Variants in GTF2A1 observed in about 807,000 individuals in gnomAD.
The protein encoded by GTF2A1 is general transcription factor IIA subunit 1, also known as transcription initiation factor IIA subunit 1.
In GTF2A1, 12 loss-of-function variants were observed where a neutral mutation model predicts 54.1. The ratio of observed to expected loss-of-function variants is 0.22; its 90% CI spans 0.14 to 0.36. GTF2A1 has a LOEUF of 0.36. GTF2A1 is among the 10% of genes least tolerant of loss of function. The pLI is 1.00. For synonymous variants in GTF2A1, 145 were observed against 152.0 expected (o/e 0.95, Z 0.34); for missense variants, 335 against 442.2 (o/e 0.76, Z 2.17).
intron 7 of GTF2A1, among the ~76,000 whole-genome samples, chr14:81,189,489 G>A (rs1395512443): frequency 1.3e-5 from 2 of 152,110 alleles, no homozygotes; most frequent in African/African-American, 4.8e-5. Flanking sequence ...GGCTAACACA[G>A]CGAAACCCCA....
At chr14:81,181,219 A>G (rs550777752) in intron 8 of GTF2A1, among the ~76,000 whole-genome samples, 1 of 152,140 alleles carries the variant, frequency 6.6e-6, no homozygotes, top group Non-Finnish European at 1.5e-5. Context: ...TGTAAAACTT[A>G]ATGAACTGAA....
At chr14:81,198,728 A>G (rs144876382) in intron 4 of GTF2A1, among the ~76,000 whole-genome samples, 72 of 152,312 alleles carry the variant, frequency 4.7e-4, no homozygotes, top group Non-Finnish European at 1.8e-4. Flanking sequence ...AATCTAACCT[A>G]TACAGTTTTA....
intron 2 of GTF2A1, among the ~76,000 whole-genome samples, chr14:81,208,037 C>T (rs2140035318): frequency 6.6e-6 from 1 of 152,312 alleles, no homozygotes; most frequent in South Asian, 2.1e-4. Flanking sequence ...GAAATTCAAG[C>T]TGGCTGGAGA....
In GTF2A1 at chr14:81,175,827, ATCTT is replaced by A. The variant is rs1184909584; in HGVS notation, c.*4392_*4395del. The A allele has an allele frequency of 1.3e-5, 2 of 152,204 alleles. No homozygotes were observed. Among genetic ancestry groups the A allele is most frequent in the African/African-American group, 2.4e-5 (1 of 41,446 alleles). 9.4% of individuals were successfully genotyped at this position (152,204 alleles called of 1,614,324 possible). On this transcript the variant is annotated 3_prime_UTR_variant, in exon 9 of 9. Transcript: ENST00000553612. Reference sequence around the variant, plus strand: ...AATTATTAATATTTCACAAGGAGTAATCTTTATTTTGAAAAACAATGTTAATTAT... The same window carrying A: ...AATTATTAATATTTCACAAGGAGTAATATTTTGAAAAACAATGTTAATTAT...
intron 8 of GTF2A1, among the ~76,000 whole-genome samples, chr14:81,183,575 T>A (rs1346037879): frequency 1.3e-5 from 2 of 152,168 alleles, no homozygotes; most frequent in Non-Finnish European, 2.9e-5. Context: ...TAAAAAGCAA[T>A]CTATTTACCG....
At position 81,211,875 on chromosome 14, in the gene GTF2A1, TTATATATATATA is replaced by T. The variant is rs757044041; in HGVS notation, c.132+4526_132+4537del. 4.9e-3 allele frequency among the ~76,000 whole-genome samples: 338 copies of T among 68,504 alleles called. 14 individuals are homozygous for T. The highest frequency in any genetic ancestry group is 0.017 in the African/African-American group (328 of 19,842). 44.9% of individuals were successfully genotyped at this position (68,504 alleles called of 152,430 possible). ...ACATAATTAGAGTGTATCAAGTACT[TTATATATATATA>T]TATATATATATATATATATATAACT... On this transcript the variant is annotated intron_variant, in intron 2 of 8. Transcript: ENST00000553612.
intron 8 of GTF2A1, among the ~76,000 whole-genome samples, chr14:81,184,521 A>C (rs1041140491): frequency 6.6e-6 from 1 of 152,170 alleles, no homozygotes; most frequent in Non-Finnish European, 1.5e-5. Flanking sequence ...CACTGGTAAA[A>C]CTAGCCTAAC....
intron 4 of GTF2A1, among the ~76,000 whole-genome samples, chr14:81,200,066 C>T (rs1376346975): frequency 1.3e-5 from 2 of 151,538 alleles, no homozygotes; most frequent in African/African-American, 2.4e-5. Flanking sequence ...TTCATGTAAA[C>T]GAAAAGATTC....
At chr14:81,197,298 TGG>T in intron 5 of GTF2A1, 109 bp downstream of exon 5, 1 of 628,982 alleles carries the variant, frequency 1.6e-6, no homozygotes, top group Non-Finnish European at 2.8e-6. Context: ...CTAAACCAAA[TGG>T]TAAAAGAAAT....
intron 5 of GTF2A1, chr14:81,197,099 TACTC>T: frequency 5.1e-6 from 1 of 194,690 alleles, no homozygotes; most frequent in Non-Finnish European, 1.0e-5. Flanking sequence ...AGAAGTTTAA[TACTC>T]ACTTGGCATG....
At chr14:81,219,975 G>A (rs10149681) in intron 1 of GTF2A1, among the ~76,000 whole-genome samples, 97,310 of 151,674 alleles carry the variant, frequency 0.64, 31,383 homozygotes, top group Middle Eastern at 0.7. Context: ...CCAAAGCACA[G>A]CCGCCAAAAA....
intron 1 of GTF2A1, 64 bp downstream of exon 1, chr14:81,220,424 CG>C: frequency 8.3e-7 from 1 of 1,206,088 alleles, no homozygotes; most frequent in Non-Finnish European, 1.2e-6. Context: ...TCCCCGCCCC[CG>C]CCCGGTCCGG....
At chr14:81,220,139 G>T (rs1316412162) in intron 1 of GTF2A1, among the ~76,000 whole-genome samples, 2 of 151,208 alleles carry the variant, frequency 1.3e-5, no homozygotes. Context: ...GGGCCCCTCG[G>T]GGGGAAGCGG....
rs1322497746 is a variant in GTF2A1 at position 81,179,937 on chromosome 14, C to T, written c.*286G>A. 4.8e-6 allele frequency: 1 copy of T among 206,476 alleles called. No homozygotes were observed. The highest frequency in any genetic ancestry group is 1.0e-4 in the East Asian group (1 of 9,618). 12.8% of individuals were successfully genotyped at this position (206,476 alleles called of 1,614,324 possible). ...AGGAATATAGACAAAGCTTTACATG[C>T]TAATTACCGGTGGCAGGTACCTGTA... On this transcript the variant is annotated 3_prime_UTR_variant, in exon 9 of 9. Coordinates refer to ENST00000553612, the MANE Select transcript of GTF2A1 (RefSeq NM_015859.4).
At chr14:81,207,384 G>A (rs745772350) in intron 2 of GTF2A1, among the ~76,000 whole-genome samples, 42 of 152,050 alleles carry the variant, frequency 2.8e-4, no homozygotes, top group African/African-American at 8.5e-4. Context: ...CTGCCAACAC[G>A]TAAGAAGAGC....
intron 2 of GTF2A1, among the ~76,000 whole-genome samples, chr14:81,208,462 A>AAC (rs1306626282): frequency 1.3e-5 from 2 of 152,212 alleles, no homozygotes; most frequent in Non-Finnish European, 2.9e-5. Context: ...CCTCATGGAG[A>AAC]ACCTCTGCTA....
Position 81,192,852 on chromosome 14 carries a change from A to C in GTF2A1, c.613-13T>G, listed in dbSNP as rs1566854182. On this transcript the variant is annotated splice_polypyrimidine_tract_variant and intron_variant, in intron 6 of 8. Transcript: ENST00000553612. ...GAGGAGCCAGCACCTAAAGCAAAAG[A>C]AAACCACATAACAGTAACTAGTTAA... 6.7e-7 allele frequency: 1 copy of C among 1,484,790 alleles called. No individual in the cohort carries two copies. Among genetic ancestry groups the C allele is most frequent in the African/African-American group, 1.4e-5 (1 of 72,318 alleles). The allele number at this position is 1,484,790 out of a possible 1,614,324, so 92.0% of individuals were successfully genotyped here.
In GTF2A1 at chr14:81,206,075, AATTT is replaced by A. The variant is rs1893223039; in HGVS notation, c.133-1975_133-1972del. 2.0e-5 allele frequency among the ~76,000 whole-genome samples: 3 copies of A among 152,176 alleles called. No individual in the cohort carries two copies. The South Asian group carries it at 6.2e-4, about 32-fold the overall frequency. On this transcript the variant is annotated intron_variant, in intron 2 of 8. Coordinates refer to ENST00000553612, the MANE Select transcript of GTF2A1 (RefSeq NM_015859.4). The stretch of plus-strand genomic sequence containing the variant: ...TTGTTTAAAAAGTTTTTGAAATCAT[AATTT>A]TCTAAATTTTATGCTTCACTTTTAC...
chr14:81,203,911 G>A lies in GTF2A1; in HGVS notation c.326C>T (p.Ala109Val). The A allele has an allele frequency of 1.2e-6, 2 of 1,612,746 alleles. No individual in the cohort carries two copies. The highest frequency in any genetic ancestry group is 1.7e-6 in the Non-Finnish European group (2 of 1,178,736). Residue 109 changes from alanine (A) to valine (V), a missense_variant, in exon 3 of 9, where the codon GCA (alanine) becomes GTA (valine). By Grantham distance (64) the Ala-to-Val change is moderately conservative (BLOSUM62 0). Transcript: ENST00000553612. ...QAQTQQVLIP[A>V]SQQATAPQVI... ...AAGTCCAGTCTCACCTTGCTGTGAT[G>A]CAGGAATAAGAACCTGCTGGGTCTG...
Sources: gnomAD v4.1 joint callset for allele counts (sites outside exome capture counted in the v4.1 genomes callset) on GRCh38, gnomAD v4.1.1 for gene constraint, MANE v1.5 for transcripts, NCBI Gene and HGNC (gene_info 2026-07-23, HGNC 2026-07-21) for gene names.